OXR1: variants seen among roughly 807,000 people sequenced by gnomAD.
The protein encoded by OXR1 is oxidation resistance 1, also known as oxidation resistance protein 1.
OXR1 carries 41 observed loss-of-function variants against 104.6 expected under a neutral mutation model. That is an observed-to-expected ratio of 0.39 (90% CI 0.31 to 0.51). The LOEUF (loss-of-function observed/expected upper bound fraction) is 0.51. OXR1 is among the 20% of genes least tolerant of loss of function. The pLI is 0.77. For missense variants in OXR1, 955 were observed against 1,031.9 expected (o/e 0.93, Z 1.02); for synonymous variants, 348 against 348.4 (o/e 1.00, Z 0.01).
At chr8:106,359,691 A>G in intron 2 of OXR1, 55 bp downstream of exon 2, 1 of 1,332,266 alleles carries the variant, frequency 7.5e-7, no homozygotes, top group Non-Finnish European at 1.1e-6. Context: ...CATGAGCAGT[A>G]TTTTCTGAGG....
Position 106,718,305 on chromosome 8 carries a change from AT to A in OXR1, c.1956+4323del, listed in dbSNP as rs371200197. On this transcript the variant is annotated intron_variant, in intron 11 of 16. Coordinates refer to ENST00000517566, the MANE Select transcript of OXR1 (RefSeq NM_001198533.2). The stretch of plus-strand genomic sequence containing the variant: ...TTCCGTAATATTTTTAAAAATTTTA[AT>A]TTCCAAATATGAACATTGAAGACCA... Among the ~76,000 whole-genome samples the A allele has an allele frequency of 1.4e-3, 218 of 152,308 alleles. 2 individuals carry two copies. Among genetic ancestry groups the A allele is most frequent in the African/African-American group, 4.2e-3 (175 of 41,566 alleles).
intron 6 of OXR1, among the ~76,000 whole-genome samples, chr8:106,689,637 A>T (rs1282002652): frequency 6.6e-6 from 1 of 151,936 alleles, no homozygotes; most frequent in Non-Finnish European, 1.5e-5. Context: ...GTCAAGTAAG[A>T]TTTTCTAAGA....
intron 3 of OXR1, among the ~76,000 whole-genome samples, chr8:106,534,445 T>G (rs1814329337): frequency 6.6e-6 from 1 of 152,218 alleles, no homozygotes; most frequent in African/African-American, 2.4e-5. Context: ...GAGACATCCC[T>G]GTAGTTTTTA....
At chr8:106,680,588 G>C (rs1265644243) in intron 4 of OXR1, among the ~76,000 whole-genome samples, 1 of 151,996 alleles carries the variant, frequency 6.6e-6, no homozygotes, top group Non-Finnish European at 1.5e-5. Context: ...TATTTTGATT[G>C]TATCTTCTGT....
intron 2 of OXR1, among the ~76,000 whole-genome samples, chr8:106,384,317 A>G (rs1817278228): frequency 6.6e-6 from 1 of 152,198 alleles, no homozygotes; most frequent in Non-Finnish European, 1.5e-5. Context: ...CCATTCACAG[A>G]TAATGACATG....
chr8:106,532,688 G>A (rs1443294226), intron 3 of OXR1, among the ~76,000 whole-genome samples: 7 of 152,148 alleles, frequency 4.6e-5, no homozygotes, highest in African/African-American at 7.2e-5. Context: ...ATAAGTAAGA[G>A]GAAGATTTTC....
At chr8:106,358,143 G>A (rs1049252604) in intron 1 of OXR1, among the ~76,000 whole-genome samples, 1 of 152,144 alleles carries the variant, frequency 6.6e-6, no homozygotes, top group Middle Eastern at 3.2e-3. Flanking sequence ...AGACATATTC[G>A]CTGGAGCTCA....
intron 1 of OXR1, among the ~76,000 whole-genome samples, chr8:106,326,723 T>TGCCTGGAACATTTGAGGAACAC (rs1172673559): frequency 7.2e-5 from 11 of 152,120 alleles, no homozygotes; most frequent in Non-Finnish European, 1.6e-4. Context: ...GGTGGGAACA[T>TGCCTGGAACATTTGAGGAACAC]GCCTGGAACA....
intron 1 of OXR1, among the ~76,000 whole-genome samples, chr8:106,274,178 A>ATAC (rs1811931948): frequency 6.6e-6 from 1 of 152,214 alleles, no homozygotes; most frequent in African/African-American, 2.4e-5. Flanking sequence ...TTCCATTTGA[A>ATAC]ATCGACAGCA....
intron 3 of OXR1, among the ~76,000 whole-genome samples, chr8:106,596,378 A>G (rs888005766): frequency 1.1e-4 from 17 of 152,090 alleles, no homozygotes; most frequent in Admixed American, 9.2e-4. Context: ...CCCAGGAGGC[A>G]TAGTTTGCAG....
At chr8:106,634,844 A>AC (rs1164582574) in intron 3 of OXR1, among the ~76,000 whole-genome samples, 1 of 152,078 alleles carries the variant, frequency 6.6e-6, no homozygotes, top group Admixed American at 6.5e-5. Flanking sequence ...TGCAAAAAAA[A>AC]AAAAAAGGCC....
chr8:106,510,431 G>A (rs923723991), intron 2 of OXR1, among the ~76,000 whole-genome samples: 4 of 151,988 alleles, frequency 2.6e-5, no homozygotes, highest in African/African-American at 9.7e-5. Flanking sequence ...TGCAAGAATT[G>A]GAATATAAAC....
At chr8:106,478,082 A>G (rs1821903987) in intron 2 of OXR1, among the ~76,000 whole-genome samples, 1 of 151,890 alleles carries the variant, frequency 6.6e-6, no homozygotes, top group African/African-American at 2.4e-5. Flanking sequence ...CCTACATTTA[A>G]AATCATCGGT....
chr8:106,285,813 A>G (rs1045213277), intron 1 of OXR1, among the ~76,000 whole-genome samples: 1 of 120,022 alleles, frequency 8.3e-6, no homozygotes, highest in South Asian at 2.7e-4. Context: ...TCTGACTACT[A>G]TCAGAGGACC....
intron 7 of OXR1, chr8:106,697,420 G>C: frequency 6.8e-7 from 1 of 1,474,750 alleles, no homozygotes. Context: ...GGCCTGGGGT[G>C]GGATCAAAGG....
At chr8:106,364,685 A>C (rs1040440580) in intron 2 of OXR1, among the ~76,000 whole-genome samples, 1 of 152,220 alleles carries the variant, frequency 6.6e-6, no homozygotes, top group African/African-American at 2.4e-5. Context: ...TTTCTTTGTC[A>C]GATTATTCAC....
intron 3 of OXR1, among the ~76,000 whole-genome samples, chr8:106,673,382 A>G (rs976563962): frequency 1.3e-5 from 2 of 152,178 alleles, no homozygotes; most frequent in African/African-American, 4.8e-5. Flanking sequence ...CTAAGCAGCA[A>G]AGTGTTCAAG....
chr8:106,496,144 A>G (rs1162188951), intron 2 of OXR1, among the ~76,000 whole-genome samples: 1 of 152,198 alleles, frequency 6.6e-6, no homozygotes, highest in Admixed American at 6.5e-5. Context: ...GAGGCAGTGC[A>G]TATCAGTCAG....
At chr8:106,647,315 T>G (rs1824167190) in intron 3 of OXR1, among the ~76,000 whole-genome samples, 1 of 152,218 alleles carries the variant, frequency 6.6e-6, no homozygotes, top group Non-Finnish European at 1.5e-5. Flanking sequence ...TCTCCCAGTC[T>G]ATTGAAAGGC....
Sources: gnomAD v4.1 joint callset for allele counts (sites outside exome capture counted in the v4.1 genomes callset) on GRCh38, gnomAD v4.1.1 for gene constraint, MANE v1.5 for transcripts, NCBI Gene and HGNC (gene_info 2026-07-23, HGNC 2026-07-21) for gene names.